SHROOM1: variants seen among roughly 807,000 people sequenced by gnomAD.
The protein encoded by SHROOM1 is protein Shroom1.
SHROOM1 carries 53 observed loss-of-function variants against 64.2 expected under a neutral mutation model. The observed-to-expected ratio is 0.83, with a 90% CI of 0.66 to 1.04. The LOEUF is 1.04. SHROOM1 is among the 50% of genes least tolerant of loss of function. SHROOM1 has a pLI of 0.00. For missense variants in SHROOM1, 1,179 were observed against 1,163.2 expected (o/e 1.01, Z -0.20); for synonymous variants, 490 against 518.9 (o/e 0.94, Z 0.76).
chr5:132,826,089 T>C lies in SHROOM1; in HGVS notation c.52A>G (p.Ser18Gly). Residue 18 changes from serine to glycine, a missense_variant, in exon 4 of 10, where the codon AGC (serine) becomes GGC (glycine). Ser to Gly is a moderately conservative substitution (Grantham distance 56). Transcript: ENST00000378679. ...GDRASPASST[S>G]SLDLWHLSMR... is the part of the protein sequence containing the mutation. ...GACAGATGCCACAGGTCCAGGCTGC[T>C]AGTGGACGAGGCCGGGGAGGCGCGG... 5 of 1,412,158 alleles carry C rather than the reference T, an allele frequency of 3.5e-6. No individual in the cohort carries two copies. Among genetic ancestry groups the C allele is most frequent in the Non-Finnish European group, 4.6e-6 (5 of 1,083,984 alleles). The allele number at this position is 1,412,158 out of a possible 1,614,324, so 87.5% of individuals were successfully genotyped here.
At chr5:132,829,828 C>G in intron 1 of SHROOM1, 1 of 985,488 alleles carries the variant, frequency 1.0e-6, no homozygotes, top group Non-Finnish European at 1.2e-6. Flanking sequence ...CAGCGTCCCC[C>G]GTTCTCCCAG....
rs2150025876 is a variant in SHROOM1, at chr5:132,823,307, C to T, written c.2169G>A (p.Leu723=). 1 of 1,602,612 alleles carries T rather than the reference C, an allele frequency of 6.2e-7. No individual in the cohort carries two copies. The highest frequency in any genetic ancestry group is 8.5e-7 in the Non-Finnish European group (1 of 1,179,136). ...LGLLLLLGSR[L]ARVRRALARA... ...GGGCCAGGGCGCGGCGCACGCGCGCCAGGCGACTGCCCAGCAGCAGCAGAA... is the reference window on the plus strand; with the variant it reads ...GGGCCAGGGCGCGGCGCACGCGCGCTAGGCGACTGCCCAGCAGCAGCAGAA... Residue 723 remains leucine, a synonymous_variant, in exon 9 of 10, where the codon CTG becomes CTA. Coordinates refer to ENST00000378679, the MANE Select transcript of SHROOM1 (RefSeq NM_001172700.2). The surrounding 1 kb of genome is among the most constrained non-coding windows in gnomAD (Gnocchi z 4.6).
chr5:132,825,985 T>G lies in SHROOM1; in HGVS notation c.156A>C (p.Thr52=), dbSNP rs1670752012. The part of the protein sequence containing the change: ...GPEPRTQSPG[T]DLLPYLDWDY... ...CCCAGTCTAGGTAAGGAAGGAGGTC[T>G]GTCCCCGGCGACTGCGTGCGCGGCT... Residue 52 remains threonine (T), a synonymous_variant, in exon 4 of 10, where the codon ACA becomes ACC. Transcript: ENST00000378679. The surrounding 1 kb of genome is among the most constrained non-coding windows in gnomAD (Gnocchi z 5.1). 1.3e-6 allele frequency: 2 copies of G among 1,521,478 alleles called. No individual in the cohort carries two copies. Among genetic ancestry groups the G allele is most frequent in the African/African-American group, 2.8e-5 (2 of 70,612 alleles). The allele number at this position is 1,521,478 out of a possible 1,614,324, so 94.2% of individuals were successfully genotyped here.
intron 1 of SHROOM1, among the ~76,000 whole-genome samples, chr5:132,828,776 T>G (rs956447252): frequency 2.6e-5 from 4 of 152,266 alleles, no homozygotes; most frequent in African/African-American, 9.6e-5. Flanking sequence ...TGACTGTAAC[T>G]TGTTGAAGAT....
Position 132,825,788 on chromosome 5 carries a change from A to G in SHROOM1, c.353T>C (p.Leu118Pro). 8.0e-7 allele frequency: 1 copy of G among 1,244,120 alleles called. No homozygotes were observed. The highest frequency in any genetic ancestry group is 1.0e-6 in the Non-Finnish European group (1 of 996,996). The allele number at this position is 1,244,120 out of a possible 1,614,324, so 77.1% of individuals were successfully genotyped here. ...NRQATPLLYA[L>P]AAEAEAAAQA... ...CGCCGCGGCCTCCGCCTCGGCCGCC[A>G]GCGCGTACAGCAGCGGGGTGGCCTG... The change falls in exon 4 of 10, where the codon CTG becomes CCG. Residue 118 changes from leucine (L) to proline (P), a missense_variant. By Grantham distance (98) the Leu-to-Pro change is moderately conservative. Transcript: ENST00000378679. The surrounding 1 kb of genome is among the most constrained non-coding windows in gnomAD (Gnocchi z 5.1).
At position 132,824,235 on chromosome 5, in the gene SHROOM1, T is replaced by G. The variant is rs1460313858; in HGVS notation, c.1426A>C (p.Asn476His). 2 of 1,614,102 alleles carry G rather than the reference T, an allele frequency of 1.2e-6. No individual in the cohort carries two copies. Among genetic ancestry groups the G allele is most frequent in the South Asian group, 1.1e-5 (1 of 91,068 alleles). Residue 476 changes from asparagine to histidine, a missense_variant, in exon 7 of 10, where the codon AAT becomes CAT. By Grantham distance (68) the Asn-to-His change is moderately conservative. Transcript: ENST00000378679. ...GGGTCAATAGTTGGGATGTTATCATTTGCAGTCCCAGTGGGGGTGTGGCTT... is the reference window on the plus strand; with the variant it reads ...GGGTCAATAGTTGGGATGTTATCATGTGCAGTCCCAGTGGGGGTGTGGCTT... ...PTSHTPTGTA[N>H]DNIPTIDPTG...
In SHROOM1 at chr5:132,830,513, C is replaced by T; in HGVS notation, c.-501+81G>A. On this transcript the variant is annotated intron_variant, in intron 1 of 9. Coordinates refer to ENST00000378679, the MANE Select transcript of SHROOM1 (RefSeq NM_001172700.2). This position sits in a 1 kb window ranked among gnomAD's most constrained non-coding sequence, Gnocchi z 5.9. ...CGCCTCGCCGCCCGCTCTTCACCCC[C>T]GTCCGCCCGCAGCCCCGCCGGCCTC... 1 of 985,360 alleles carries T rather than the reference C, an allele frequency of 1.0e-6. No homozygotes were observed. Among genetic ancestry groups the T allele is most frequent in the Non-Finnish European group, 1.2e-6 (1 of 829,792 alleles). The allele number at this position is 985,360 out of a possible 1,614,324, so 61.0% of individuals were successfully genotyped here. A position where few individuals can be genotyped will look rare whatever the true frequency, so the allele number is the denominator to read the frequency against.
chr5:132,823,271 T>TGA lies in SHROOM1; in HGVS notation c.2203_2204dup (p.Asp736GlnfsTer28). ...TTACCTGCTCATCAGGGTCGCTGTC[T>TGA]GAGGCCGCCCGGGCCAGGGCGCGGC... On this transcript the variant is annotated frameshift_variant, in exon 9 of 10. Transcript: ENST00000378679. LOFTEE classifies it high-confidence loss of function. This position sits in a 1 kb window ranked among gnomAD's most constrained non-coding sequence, Gnocchi z 4.6. 1.3e-6 allele frequency: 2 copies of TGA among 1,598,912 alleles called. No individual in the cohort carries two copies. Among genetic ancestry groups the TGA allele is most frequent in the Non-Finnish European group, 1.7e-6 (2 of 1,178,290 alleles).
chr5:132,825,214 G>A lies in SHROOM1; in HGVS notation c.927C>T (p.Gly309=), dbSNP rs772261965. 5 of 1,613,910 alleles carry A rather than the reference G, an allele frequency of 3.1e-6. No individual in the cohort carries two copies. Among genetic ancestry groups the A allele is most frequent in the Non-Finnish European group, 4.2e-6 (5 of 1,180,016 alleles). Residue 309 remains glycine (G), a synonymous_variant, in exon 4 of 10, where the codon GGC becomes GGT. Coordinates refer to ENST00000378679, the MANE Select transcript of SHROOM1 (RefSeq NM_001172700.2). The surrounding 1 kb of genome is among the most constrained non-coding windows in gnomAD (Gnocchi z 5.1). ...ATCCTCCCCAGGAACCCAAGACTTC[G>A]CCTGAAGCGCTCCGACTCCGACTGG... The part of the protein sequence containing the change: ...RPASRSRSAS[G]EVLGSWGGSG...
At position 132,823,573 on chromosome 5, in the gene SHROOM1, G is replaced by T. The variant is rs373938080; in HGVS notation, c.1953+50C>A. Reference sequence around the variant, plus strand: ...CCAGGCTCATGACTTCCCTGCCCAGGCTCTGGGCTCCTACCCACCCCCAGC... The same window carrying T: ...CCAGGCTCATGACTTCCCTGCCCAGTCTCTGGGCTCCTACCCACCCCCAGC... On this transcript the variant is annotated intron_variant, in intron 8 of 9. Transcript: ENST00000378679. The surrounding 1 kb of genome is among the most constrained non-coding windows in gnomAD (Gnocchi z 4.6). 6.4e-7 allele frequency: 1 copy of T among 1,567,802 alleles called. No homozygotes were observed. The highest frequency in any genetic ancestry group is 1.4e-5 in the African/African-American group (1 of 73,656).
chr5:132,822,809 A>G lies in SHROOM1; in HGVS notation c.2546T>C (p.Leu849Pro). ...TCPPVQPPFPLLLT is the reference protein window; with the variant it reads ...TCPPVQPPFPPLLT ...CTCCACCTATAACTATGTAAGGAGAAGAGGGAAGGGCGGCTGAACTGGAGG... is the reference window on the plus strand; with the variant it reads ...CTCCACCTATAACTATGTAAGGAGAGGAGGGAAGGGCGGCTGAACTGGAGG... Residue 849 changes from leucine (L) to proline (P), a missense_variant, in exon 10 of 10, where the codon CTT becomes CCT. Transcript: ENST00000378679. 6.2e-7 allele frequency: 1 copy of G among 1,606,234 alleles called. No individual in the cohort carries two copies. The highest frequency in any genetic ancestry group is 8.5e-7 in the Non-Finnish European group (1 of 1,176,658).
chr5:132,829,258 T>C (rs751766462), intron 1 of SHROOM1, among the ~76,000 whole-genome samples: 7 of 152,080 alleles, frequency 4.6e-5, no homozygotes, highest in Non-Finnish European at 1.0e-4. Flanking sequence ...GAAGATGAGA[T>C]TGGCCTTCAA....
At position 132,826,178 on chromosome 5, in the gene SHROOM1, G is replaced by T. The variant is rs1363959293; in HGVS notation, c.-38C>A. 2 of 1,302,826 alleles carry T rather than the reference G, an allele frequency of 1.5e-6. No individual in the cohort carries two copies. Among genetic ancestry groups the T allele is most frequent in the Non-Finnish European group, 1.9e-6 (2 of 1,026,582 alleles). The allele number at this position is 1,302,826 out of a possible 1,614,324, so 80.7% of individuals were successfully genotyped here. A position where few individuals can be genotyped will look rare whatever the true frequency, so the allele number is the denominator to read the frequency against. On this transcript the variant is annotated 5_prime_UTR_variant, in exon 4 of 10. Coordinates refer to ENST00000378679, the MANE Select transcript of SHROOM1 (RefSeq NM_001172700.2). ...GAGTGCTGAGGCTGGGTGGCTGCGT[G>T]GGTCCTGGGAAAACACAGATGTGGT...
intron 1 of SHROOM1, chr5:132,829,563 A>G: frequency 1.0e-6 from 1 of 984,740 alleles, no homozygotes; most frequent in Non-Finnish European, 1.2e-6. Context: ...GAGAACGGAC[A>G]GCCTCAAATA....
rs1758812447 is a variant in SHROOM1 at position 132,830,532 on chromosome 5, C to A, written c.-501+62G>T. 2 of 982,712 alleles carry A rather than the reference C, an allele frequency of 2.0e-6. No individual in the cohort carries two copies. The highest frequency in any genetic ancestry group is 1.2e-6 in the Non-Finnish European group (1 of 827,174). 60.9% of individuals were successfully genotyped at this position (982,712 alleles called of 1,614,324 possible). On this transcript the variant is annotated intron_variant, in intron 1 of 9. Transcript: ENST00000378679. This position sits in a 1 kb window ranked among gnomAD's most constrained non-coding sequence, Gnocchi z 5.9. ...CACCCCCGTCCGCCCGCAGCCCCGC[C>A]GGCCTCCCGGGGGAAGCGGACCCAG...
chr5:132,823,160 G>T lies in SHROOM1; in HGVS notation c.2227-32C>A, dbSNP rs772690495. ...CCGCAGGAAGAGGCGCCGTGAGCCG[G>T]GTGAGGGCGCCGCCGCTCCCGGAAT... On this transcript the variant is annotated intron_variant, in intron 9 of 9. Coordinates refer to ENST00000378679, the MANE Select transcript of SHROOM1 (RefSeq NM_001172700.2). This position sits in a 1 kb window ranked among gnomAD's most constrained non-coding sequence, Gnocchi z 4.6. 6.5e-7 allele frequency: 1 copy of T among 1,544,048 alleles called. No homozygotes were observed. The highest frequency in any genetic ancestry group is 1.4e-5 in the African/African-American group (1 of 73,366).
rs564132648 is a variant in SHROOM1 at position 132,822,829 on chromosome 5, T to G, written c.2526A>C (p.Pro842=). 19 of 1,611,798 alleles carry G rather than the reference T, an allele frequency of 1.2e-5. No homozygotes were observed. The highest frequency in any genetic ancestry group is 1.6e-5 in the Non-Finnish European group (19 of 1,179,388). The stretch of plus-strand genomic sequence containing the variant: ...GGAGAAGAGGGAAGGGCGGCTGAAC[T>G]GGAGGACAGGTCCCTGGGGGCCGCG... ...SPARPPGTCP[P]VQPPFPLLLT is the part of the protein sequence containing the mutation. Residue 842 remains proline, a synonymous_variant, in exon 10 of 10, where the codon CCA becomes CCC. Coordinates refer to ENST00000378679, the MANE Select transcript of SHROOM1 (RefSeq NM_001172700.2).
chr5:132,830,633 C>A lies in SHROOM1; in HGVS notation c.-540G>T. 8.1e-6 allele frequency: 8 copies of A among 985,330 alleles called. No individual in the cohort carries two copies. The highest frequency in any genetic ancestry group is 9.6e-6 in the Non-Finnish European group (8 of 829,860). 61.0% of individuals were successfully genotyped at this position (985,330 alleles called of 1,614,324 possible). A position where few individuals can be genotyped will look rare whatever the true frequency, so the allele number is the denominator to read the frequency against. On this transcript the variant is annotated 5_prime_UTR_variant, in exon 1 of 10. Transcript: ENST00000378679. This position sits in a 1 kb window ranked among gnomAD's most constrained non-coding sequence, Gnocchi z 5.9. Reference sequence around the variant, plus strand: ...GAGACGCGCTCCTGGGCCGTCGCAGCCGCGCGGTGACATCAGAGCCCCGGG... The same window carrying A: ...GAGACGCGCTCCTGGGCCGTCGCAGACGCGCGGTGACATCAGAGCCCCGGG...
chr5:132,828,911 AAAC>A (rs1176626032), intron 1 of SHROOM1, among the ~76,000 whole-genome samples: 3 of 152,208 alleles, frequency 2.0e-5, no homozygotes, highest in African/African-American at 7.2e-5. Context: ...CCTCAGCACA[AAAC>A]AACAAGGCAT....
Sources: allele counts gnomAD v4.1 joint callset (sites outside exome capture counted in the v4.1 genomes callset), GRCh38; gene constraint gnomAD v4.1.1; non-coding constraint Gnocchi (gnomAD v3.1); transcripts MANE v1.5; gene names NCBI Gene and HGNC (gene_info 2026-07-23, HGNC 2026-07-21).